The following NRG2 variants were observed in gnomAD, a reference collection of about 807,000 sequenced individuals.
NRG2 encodes pro-neuregulin-2, membrane-bound isoform.
A neutral mutation model predicts 73.9 loss-of-function variants in NRG2; 27 were observed. The ratio of observed to expected loss-of-function variants is 0.37; its 90% CI spans 0.27 to 0.50. NRG2 has a LOEUF of 0.50. Ranked by LOEUF, NRG2 falls within the 20% of genes least tolerant of loss-of-function variation. NRG2 has a pLI of 0.96. For missense variants in NRG2, 1,126 were observed against 1,210.1 expected, an observed-to-expected ratio of 0.93 and a Z score of 1.03; for synonymous variants, 532 against 541.0, an observed-to-expected ratio of 0.98 and a Z score of 0.23.
At chr5:139,886,071 C>G (rs1057384468) in intron 2 of NRG2, among the ~76,000 whole-genome samples, 5 of 152,150 alleles carry the variant, frequency 3.3e-5, no homozygotes, top group Admixed American at 1.3e-4. Flanking sequence ...TAGAACCCCC[C>G]ACTCGCCACT....
intron 1 of NRG2, among the ~76,000 whole-genome samples, chr5:139,991,381 T>A (rs1235047694): frequency 6.6e-6 from 1 of 152,182 alleles, no homozygotes; most frequent in Non-Finnish European, 1.5e-5. Context: ...ACTCAATTTA[T>A]GAAAGACAAT....
chr5:139,956,005 C>T lies in NRG2; in HGVS notation c.701-68494G>A, dbSNP rs184553949. On this transcript the variant is annotated intron_variant, in intron 1 of 9. Transcript: ENST00000361474. ...TAGGTGAAAGCCCTGCAAAGGTGAG[C>T]TCTCTCCATAGGAGCAGGCAGATGC... 1.3e-4 allele frequency among the ~76,000 whole-genome samples: 20 copies of T among 152,332 alleles called. No homozygotes were observed. In the East Asian group the frequency reaches 3.9e-3, roughly 29 times the overall value.
At chr5:139,993,963 TC>T (rs1757840915) in intron 1 of NRG2, among the ~76,000 whole-genome samples, 1 of 152,198 alleles carries the variant, frequency 6.6e-6, no homozygotes, top group South Asian at 2.1e-4. Flanking sequence ...GTCTTTTCTG[TC>T]TTTTTACTTC....
intron 1 of NRG2, among the ~76,000 whole-genome samples, chr5:139,907,866 T>A (rs532975370): frequency 1.9e-4 from 29 of 152,306 alleles, no homozygotes; most frequent in African/African-American, 7.0e-4. Context: ...AGACCAGGTT[T>A]ATGTTAGGAA....
At chr5:140,007,504 T>TGGC (rs1223795481) in intron 1 of NRG2, among the ~76,000 whole-genome samples, 3 of 151,818 alleles carry the variant, frequency 2.0e-5, no homozygotes, top group African/African-American at 7.3e-5. Flanking sequence ...GAGCTGGAGG[T>TGGC]GGCAGGTGGG....
chr5:140,029,687 C>CAAAAAAAAAAAAAAAAAAAAAAAAAA (rs34122778), intron 1 of NRG2, among the ~76,000 whole-genome samples: 22 of 61,258 alleles, frequency 3.6e-4, no homozygotes, highest in South Asian at 5.6e-4. Flanking sequence ...GACTCTGTCT[C>CAAAAAAAAAAAAAAAAAAAAAAAAAA]AAAAAAAAAA....
chr5:139,966,565 G>C (rs944779518), intron 1 of NRG2, among the ~76,000 whole-genome samples: 69 of 152,274 alleles, frequency 4.5e-4, no homozygotes, highest in African/African-American at 1.6e-3. Context: ...TGAACTAGCA[G>C]CAAAGACTGG....
chr5:139,947,558 G>A (rs78337511), intron 1 of NRG2, among the ~76,000 whole-genome samples: 3,809 of 152,206 alleles, frequency 0.025, 61 homozygotes, highest in Non-Finnish European at 0.034. Context: ...ACAAGTTTTT[G>A]TAAAGACATA....
At chr5:139,968,830 C>G (rs1755764987) in intron 1 of NRG2, among the ~76,000 whole-genome samples, 1 of 152,266 alleles carries the variant, frequency 6.6e-6, no homozygotes, top group Non-Finnish European at 1.5e-5. Flanking sequence ...GGGAAGGCAG[C>G]AGACCTTTCC....
At chr5:139,910,161 A>G (rs945921864) in intron 1 of NRG2, among the ~76,000 whole-genome samples, 2 of 152,240 alleles carry the variant, frequency 1.3e-5, no homozygotes, top group African/African-American at 4.8e-5. Flanking sequence ...GCTATGAAAC[A>G]GGGAGATACA....
intron 5 of NRG2, among the ~76,000 whole-genome samples, chr5:139,859,284 A>C (rs1316542100): frequency 2.0e-5 from 3 of 152,106 alleles, no homozygotes; most frequent in Admixed American, 2.0e-4. Flanking sequence ...GGTCTTGCCA[A>C]TGTGGGGTCA....
At position 140,042,968 on chromosome 5, in the gene NRG2, GC is replaced by G; in HGVS notation, c.101del (p.Ser34ThrfsTer60). 1 of 1,542,874 alleles carries G rather than the reference GC, an allele frequency of 6.5e-7. No individual in the cohort carries two copies. The highest frequency in any genetic ancestry group is 8.7e-7 in the Non-Finnish European group (1 of 1,144,670). On this transcript the variant is annotated frameshift_variant, in exon 1 of 10. Transcript: ENST00000361474. LOFTEE classifies it high-confidence loss of function. ...TCTCGCTGCTGCTGCTGCTGCTGCT[GC>G]TGCTCCTCTCGCTGCTGCTGCTGCT... ...DSSSSSSERS[S>X]SSSSSSSESG... is the part of the protein sequence containing the mutation.
At chr5:139,848,770 G>GGGGGGGGGGGGGGGGGGGT in intron 9 of NRG2, 73 bp from the exon 10 acceptor site, 1 of 159,414 alleles carries the variant, frequency 6.3e-6, no homozygotes, top group Non-Finnish European at 1.2e-5. Flanking sequence ...TGGGGGTGGG[G>GGGGGGGGGGGGGGGGGGGT]TAGGGTGGGA....
At chr5:139,982,479 T>G (rs112470089) in intron 1 of NRG2, among the ~76,000 whole-genome samples, 40 of 152,148 alleles carry the variant, frequency 2.6e-4, no homozygotes, top group African/African-American at 7.5e-4. Flanking sequence ...CCTACAGCAC[T>G]CTTGGCCTGT....
intron 1 of NRG2, among the ~76,000 whole-genome samples, chr5:139,993,637 G>A (rs190718062): frequency 1.3e-5 from 2 of 152,292 alleles, no homozygotes; most frequent in East Asian, 3.9e-4. Flanking sequence ...CCAGCCCATA[G>A]TGTAAGCTTC....
In NRG2 at chr5:139,852,791, C is replaced by T. The variant is rs945164830; in HGVS notation, c.1416+113G>A. ...TCCTGGTGAGGCAGTGCCTAGCAGG[C>T]AAGGCTGGCCATGGGATAGGCTGGC... On this transcript the variant is annotated intron_variant, in intron 7 of 9. Coordinates refer to ENST00000361474, the MANE Select transcript of NRG2 (RefSeq NM_004883.3). The surrounding 1 kb of genome is among the most constrained non-coding windows in gnomAD (Gnocchi z 4.4). The T allele has an allele frequency of 1.3e-6, 2 of 1,541,636 alleles. No homozygotes were observed. Among genetic ancestry groups the T allele is most frequent in the African/African-American group, 1.4e-5 (1 of 72,132 alleles).
chr5:139,865,242 C>T lies in NRG2; in HGVS notation c.1189+307G>A, dbSNP rs1762409077. On this transcript the variant is annotated intron_variant, in intron 5 of 9. Coordinates refer to ENST00000361474, the MANE Select transcript of NRG2 (RefSeq NM_004883.3). The surrounding 1 kb of genome is among the most constrained non-coding windows in gnomAD (Gnocchi z 5.2). ...AGACACAGGCATTGCAACACCCCGGCACGGGCTCCTGCCAATGCCAGCTGG... is the reference window on the plus strand; with the variant it reads ...AGACACAGGCATTGCAACACCCCGGTACGGGCTCCTGCCAATGCCAGCTGG... 7.6e-7 allele frequency: 1 copy of T among 1,322,380 alleles called. No individual in the cohort carries two copies. Among genetic ancestry groups the T allele is most frequent in the African/African-American group, 1.4e-5 (1 of 69,032 alleles). 81.9% of individuals were successfully genotyped at this position (1,322,380 alleles called of 1,614,324 possible).
chr5:139,995,074 T>TAGATTTGGGAAATGTGTGA (rs1757925488), intron 1 of NRG2, among the ~76,000 whole-genome samples: 1 of 152,150 alleles, frequency 6.6e-6, no homozygotes, highest in African/African-American at 2.4e-5. Context: ...AGGGGTACTT[T>TAGATTTGGGAAATGTGTGA]TAAAACATAC....
chr5:139,868,124 G>A lies in NRG2; in HGVS notation c.1113-2499C>T, dbSNP rs1762607813. ...GAACAAAACAAAAGGCACTGGGGAG[G>A]GGCACAGTGGGGGTGGTGGAAGGCT... On this transcript the variant is annotated intron_variant, in intron 4 of 9. Transcript: ENST00000361474. This position sits in a 1 kb window ranked among gnomAD's most constrained non-coding sequence, Gnocchi z 4.2. Among the ~76,000 whole-genome samples the A allele has an allele frequency of 6.6e-6, 1 of 152,102 alleles. No individual in the cohort carries two copies. The highest frequency in any genetic ancestry group is 1.5e-5 in the Non-Finnish European group (1 of 68,006).
Sources: allele counts gnomAD v4.1 joint callset (sites outside exome capture counted in the v4.1 genomes callset), GRCh38; gene constraint gnomAD v4.1.1; non-coding constraint Gnocchi (gnomAD v3.1); transcripts MANE v1.5; gene names NCBI Gene and HGNC (gene_info 2026-07-23, HGNC 2026-07-21).